The following CACNA1B variants were observed in gnomAD, a reference collection of about 807,000 sequenced individuals.
The protein encoded by CACNA1B is calcium voltage-gated channel subunit alpha1 B.
In CACNA1B, 70 loss-of-function variants were observed where a neutral mutation model predicts 247.2. The observed-to-expected ratio is 0.28, with a 90% CI of 0.23 to 0.35. CACNA1B has a LOEUF of 0.35. Ranked by LOEUF, CACNA1B falls within the 10% of genes least tolerant of loss-of-function variation. The pLI, the probability that CACNA1B is intolerant of heterozygous loss-of-function variation, is 1.00. For synonymous variants in CACNA1B, 1,231 were observed against 1,294.4 expected (o/e 0.95, Z 1.05); for missense variants, 2,367 against 3,197.4 (o/e 0.74, Z 6.26).
intron 32 of CACNA1B, among the ~76,000 whole-genome samples, chr9:138,070,324 C>T (rs1265944874): frequency 6.6e-6 from 1 of 152,172 alleles, no homozygotes; most frequent in Non-Finnish European, 1.5e-5. Context: ...GGCTTACAGT[C>T]TTTGTCTTCA....
intron 10 of CACNA1B, among the ~76,000 whole-genome samples, chr9:137,965,100 T>C (rs1197937876): frequency 6.6e-6 from 1 of 152,232 alleles, no homozygotes. Context: ...TGCTGACCTA[T>C]TGCTGGCCTG....
chr9:137,957,754 C>T lies in CACNA1B; in HGVS notation c.1333+67C>T, dbSNP rs578213892. On this transcript the variant is annotated intron_variant, in intron 10 of 46. Transcript: ENST00000371372. This position sits in a 1 kb window ranked among gnomAD's most constrained non-coding sequence, Gnocchi z 4.7. The stretch of plus-strand genomic sequence containing the variant: ...TGGACATGGAGTGCATGCTCCGCTT[C>T]CCCTGCTACCCAGCCACTGTTGGAC... The T allele has an allele frequency of 1.8e-6, 2 of 1,127,916 alleles. No homozygotes were observed. The highest frequency in any genetic ancestry group is 5.5e-5 in the East Asian group (2 of 36,068). The allele number at this position is 1,127,916 out of a possible 1,614,324, so 69.9% of individuals were successfully genotyped here.
intron 32 of CACNA1B, 34 bp downstream of exon 32, chr9:138,069,797 TC>T (rs1960054713): frequency 6.3e-7 from 1 of 1,599,638 alleles, no homozygotes; most frequent in Non-Finnish European, 8.6e-7. Context: ...TTCTTGCAAG[TC>T]CTTGCTTTGC....
At chr9:138,119,388 G>A (rs757298395) in intron 44 of CACNA1B, among the ~76,000 whole-genome samples, 2 of 152,058 alleles carry the variant, frequency 1.3e-5, no homozygotes, top group East Asian at 1.9e-4. Flanking sequence ...ACTGTGCCCC[G>A]GCCTCCGAGG....
chr9:137,953,303 G>T (rs1364727393), intron 7 of CACNA1B, among the ~76,000 whole-genome samples: 3 of 152,222 alleles, frequency 2.0e-5, no homozygotes, highest in Non-Finnish European at 1.5e-5. Flanking sequence ...AGTGAGGCTG[G>T]AGGAGTACAT....
At chr9:138,098,403 G>A (rs1961130565) in intron 37 of CACNA1B, among the ~76,000 whole-genome samples, 1 of 152,208 alleles carries the variant, frequency 6.6e-6, no homozygotes, top group South Asian at 2.1e-4. Flanking sequence ...TGAATGTGTG[G>A]TTTAGAGAGT....
At chr9:138,096,403 C>A in intron 36 of CACNA1B, 81 bp from the exon 37 acceptor site, 1 of 1,208,172 alleles carries the variant, frequency 8.3e-7, no homozygotes, top group Non-Finnish European at 1.2e-6. Context: ...GAGCTTCACA[C>A]ACACTGGAGA....
At chr9:138,114,602 CAGAA>C in intron 41 of CACNA1B, 112 bp downstream of exon 41, 1 of 625,206 alleles carries the variant, frequency 1.6e-6, no homozygotes, top group Non-Finnish European at 2.8e-6. Flanking sequence ...AAAAGTATCT[CAGAA>C]GGAAGATGAA....
At position 138,044,819 on chromosome 9, in the gene CACNA1B, G is replaced by A. The variant is rs567373432; in HGVS notation, c.3413+919G>A. Among the ~76,000 whole-genome samples, 7 of 152,150 alleles carry A rather than the reference G, an allele frequency of 4.6e-5. No individual in the cohort carries two copies. In the South Asian group the frequency reaches 6.2e-4, roughly 14 times the overall value. ...TTTCTACCAAGCCCTGCATTACCCCGCTCCCTGCCTCCTCCCCCCAGTCAC... is the reference window on the plus strand; with the variant it reads ...TTTCTACCAAGCCCTGCATTACCCCACTCCCTGCCTCCTCCCCCCAGTCAC... On this transcript the variant is annotated intron_variant, in intron 21 of 46. Transcript: ENST00000371372.
intron 3 of CACNA1B, among the ~76,000 whole-genome samples, chr9:137,883,779 T>C (rs2133223938): frequency 6.6e-6 from 1 of 152,304 alleles, no homozygotes; most frequent in African/African-American, 2.4e-5. Context: ...CTGAGCCTTA[T>C]GGTTCCGAGG....
In CACNA1B at chr9:137,883,143, G is replaced by A. The variant is rs552335832; in HGVS notation, c.530+260G>A. 449 of 486,918 alleles carry A rather than the reference G, an allele frequency of 9.2e-4. 6 individuals are homozygous for A. In the East Asian group the frequency reaches 0.016, roughly 17 times the overall value. The allele number at this position is 486,918 out of a possible 1,614,324, so 30.2% of individuals were successfully genotyped here. On this transcript the variant is annotated intron_variant, in intron 3 of 46. Coordinates refer to ENST00000371372, the MANE Select transcript of CACNA1B (RefSeq NM_000718.4). ...CCCAGGAGGCGCTGGCTTGCAGAGC[G>A]CACAGGCCAGGGGCCACCAGCTTCC...
chr9:138,082,417 G>A (rs1367384909), intron 36 of CACNA1B, among the ~76,000 whole-genome samples: 2 of 151,322 alleles, frequency 1.3e-5, no homozygotes, highest in Non-Finnish European at 2.9e-5. Context: ...ACAGAAAAAG[G>A]AATATGATGT....
chr9:138,036,595 C>T (rs1959049657), intron 20 of CACNA1B, among the ~76,000 whole-genome samples: 1 of 152,198 alleles, frequency 6.6e-6, no homozygotes, highest in South Asian at 2.1e-4. Flanking sequence ...GCTCCACTGT[C>T]TTCTGCCTTC....
At chr9:137,979,242 C>T (rs1040506958) in intron 12 of CACNA1B, among the ~76,000 whole-genome samples, 7 of 152,196 alleles carry the variant, frequency 4.6e-5, no homozygotes, top group Non-Finnish European at 8.8e-5. Context: ...CCCCATGAGG[C>T]TTCAGCCCAG....
At chr9:137,898,682 A>ATT (rs556081688) in intron 3 of CACNA1B, among the ~76,000 whole-genome samples, 6 of 136,376 alleles carry the variant, frequency 4.4e-5, no homozygotes, top group East Asian at 2.1e-4. Flanking sequence ...CTTAAAAAAA[A>ATT]TTTTTTTTTT....
chr9:138,074,158 A>C (rs565165494), intron 34 of CACNA1B, 92 bp downstream of exon 34: 1 of 915,074 alleles, frequency 1.1e-6, no homozygotes, highest in Admixed American at 1.7e-5. Context: ...TCATCGTCAT[A>C]ATCAGTTGAT....
chr9:137,914,897 T>TA lies in CACNA1B; in HGVS notation c.775+91_775+92insA. 7.1e-7 allele frequency: 1 copy of TA among 1,416,052 alleles called. No individual in the cohort carries two copies. The highest frequency in any genetic ancestry group is 1.4e-5 in the South Asian group (1 of 69,170). 87.7% of individuals were successfully genotyped at this position (1,416,052 alleles called of 1,614,324 possible). On this transcript the variant is annotated intron_variant, in intron 5 of 46. Transcript: ENST00000371372. The surrounding 1 kb of genome is among the most constrained non-coding windows in gnomAD (Gnocchi z 4.3). ...ACTGTTCTAGGTGCTAGAGGGGCCT[T>TA]CTTGGTGCCAGATACATGAGGTGGA...
intron 10 of CACNA1B, among the ~76,000 whole-genome samples, chr9:137,958,817 T>G (rs939289080): frequency 2.0e-5 from 3 of 152,180 alleles, no homozygotes; most frequent in Admixed American, 6.5e-5. Flanking sequence ...TTTCCCAGTT[T>G]GAGGCCAATT....
chr9:137,886,769 G>T (rs1283739212), intron 3 of CACNA1B, among the ~76,000 whole-genome samples: 11 of 152,156 alleles, frequency 7.2e-5, no homozygotes, highest in Non-Finnish European at 4.4e-5. Context: ...CCAGAGAGCA[G>T]TCGGCAGGTG....
Sources: gnomAD v4.1 joint callset for allele counts (sites outside exome capture counted in the v4.1 genomes callset) on GRCh38, gnomAD v4.1.1 for gene constraint, Gnocchi (gnomAD v3.1) non-coding constraint, MANE v1.5 for transcripts, NCBI Gene and HGNC (gene_info 2026-07-23, HGNC 2026-07-21) for gene names.